Variants in ADAM10 observed in about 807,000 individuals in gnomAD.
ADAM10 encodes disintegrin and metalloproteinase domain-containing protein 10.
In ADAM10, 17 loss-of-function variants were observed where a neutral mutation model predicts 90.1. The ratio of observed to expected loss-of-function variants is 0.19; its 90% CI spans 0.13 to 0.28. The LOEUF is 0.28. ADAM10 is among the 10% of genes least tolerant of loss of function. The pLI, the probability that ADAM10 is intolerant of heterozygous loss-of-function variation, is 1.00. For missense variants in ADAM10, 610 were observed against 914.3 expected (o/e 0.67, Z 4.29); for synonymous variants, 310 against 298.6 (o/e 1.04, Z -0.40).
intron 2 of ADAM10, among the ~76,000 whole-genome samples, chr15:58,716,311 G>A (rs984416855): frequency 7.2e-5 from 11 of 152,060 alleles, no homozygotes; most frequent in Admixed American, 3.3e-4. Context: ...CAGAAAACAC[G>A]GTTATGGAAA....
At chr15:58,659,840 C>A (rs539304134) in intron 5 of ADAM10, among the ~76,000 whole-genome samples, 1 of 152,076 alleles carries the variant, frequency 6.6e-6, no homozygotes, top group Non-Finnish European at 1.5e-5. Context: ...GCCATTCTCC[C>A]GCCTCAGCCT....
rs1896623256 is a variant in ADAM10, at chr15:58,649,057, CT to C, written c.586-2854del. 2.0e-5 allele frequency among the ~76,000 whole-genome samples: 3 copies of C among 151,960 alleles called. No homozygotes were observed. In the South Asian group the frequency reaches 6.2e-4, roughly 32 times the overall value. Reference sequence around the variant, plus strand: ...TAATCGGTGCATTTAATCCATTTACCTTTAATATAATTACAGATATTTTGGG... The same window carrying C: ...TAATCGGTGCATTTAATCCATTTACCTTAATATAATTACAGATATTTTGGG... On this transcript the variant is annotated intron_variant, in intron 5 of 15. Transcript: ENST00000260408.
chr15:58,603,468 T>A (rs1415716309), intron 14 of ADAM10, among the ~76,000 whole-genome samples: 1 of 152,316 alleles, frequency 6.6e-6, no homozygotes, highest in East Asian at 1.9e-4. Context: ...GTACAAAGGC[T>A]TAAGAGTTTT....
At chr15:58,602,232 C>A (rs1338233906) in intron 14 of ADAM10, among the ~76,000 whole-genome samples, 1 of 152,010 alleles carries the variant, frequency 6.6e-6, no homozygotes, top group African/African-American at 2.4e-5. Context: ...ACTTTCTGGC[C>A]CAACAAGAAG....
chr15:58,741,140 T>C (rs1048830910), intron 1 of ADAM10, among the ~76,000 whole-genome samples: 6 of 152,162 alleles, frequency 3.9e-5, no homozygotes, highest in Admixed American at 3.3e-4. Context: ...TGTCCTGCCA[T>C]CATCAATACA....
intron 8 of ADAM10, among the ~76,000 whole-genome samples, chr15:58,635,183 G>A (rs1014802049): frequency 6.8e-6 from 1 of 146,596 alleles, no homozygotes; most frequent in Non-Finnish European, 1.5e-5. Context: ...GCTGAGGCAG[G>A]AGAATGGCGT....
intron 2 of ADAM10, among the ~76,000 whole-genome samples, chr15:58,702,964 G>A (rs537757591): frequency 1.2e-4 from 18 of 152,202 alleles, no homozygotes; most frequent in Non-Finnish European, 1.8e-4. Context: ...TTAACCAAGC[G>A]ACTGGATTAT....
At chr15:58,701,971 C>A (rs1033916528) in intron 2 of ADAM10, among the ~76,000 whole-genome samples, 1 of 151,756 alleles carries the variant, frequency 6.6e-6, no homozygotes, top group East Asian at 1.9e-4. Context: ...CCAGGCGTGG[C>A]GGCGCACACC....
intron 9 of ADAM10, among the ~76,000 whole-genome samples, chr15:58,628,682 C>T (rs1896019479): frequency 2.0e-5 from 3 of 152,168 alleles, no homozygotes; most frequent in Non-Finnish European, 4.4e-5. Flanking sequence ...TAAAACAACC[C>T]TCACAATGCC....
In ADAM10 at chr15:58,682,070, T is replaced by C. The variant is rs1437487124; in HGVS notation, c.325+126A>G. The C allele has an allele frequency of 2.3e-6, 3 of 1,298,910 alleles. No homozygotes were observed. The African/African-American group carries it at 4.5e-5, about 19-fold the overall frequency. 80.5% of individuals were successfully genotyped at this position (1,298,910 alleles called of 1,614,324 possible). A position where few individuals can be genotyped will look rare whatever the true frequency, so the allele number is the denominator to read the frequency against. On this transcript the variant is annotated intron_variant, in intron 3 of 15. Coordinates refer to ENST00000260408, the MANE Select transcript of ADAM10 (RefSeq NM_001110.4). ...TTCATTTCTCAAAGACCATTACCCTTCATATGAATTCAACCTCCTCTGGAT... is the reference window on the plus strand; with the variant it reads ...TTCATTTCTCAAAGACCATTACCCTCCATATGAATTCAACCTCCTCTGGAT...
At chr15:58,691,860 G>C (rs1897818914) in intron 2 of ADAM10, among the ~76,000 whole-genome samples, 1 of 151,618 alleles carries the variant, frequency 6.6e-6, no homozygotes, top group South Asian at 2.1e-4. Flanking sequence ...ATTTTTAGTA[G>C]AGACGGGCTT....
At chr15:58,644,111 G>T (rs868553425) in intron 6 of ADAM10, 133 bp from the exon 7 acceptor site, 5 of 681,964 alleles carry the variant, frequency 7.3e-6, no homozygotes, top group Middle Eastern at 4.0e-4. Context: ...ATTATATACT[G>T]GACATAAATA....
intron 1 of ADAM10, among the ~76,000 whole-genome samples, chr15:58,721,578 GAACA>G (rs1215842912): frequency 6.6e-6 from 1 of 152,092 alleles, no homozygotes; most frequent in Non-Finnish European, 1.5e-5. Flanking sequence ...CACACACATA[GAACA>G]AACTTCAAGA....
chr15:58,736,046 A>T (rs1368550002), intron 1 of ADAM10, among the ~76,000 whole-genome samples: 1 of 152,184 alleles, frequency 6.6e-6, no homozygotes, highest in African/African-American at 2.4e-5. Context: ...GACAGTTTCT[A>T]GGTAATTATA....
chr15:58,682,220 G>A lies in ADAM10; in HGVS notation c.301C>T (p.His101Tyr). 6.2e-7 allele frequency: 1 copy of A among 1,612,734 alleles called. No individual in the cohort carries two copies. The highest frequency in any genetic ancestry group is 8.5e-7 in the Non-Finnish European group (1 of 1,179,354). ...SNKVLDYDTS[H>Y]IYTGHIYGEE... ...CCATAAATATGTCCAGTGTAAATATGAGAGGTATCATAATCAAGTACTTTA... is the reference window on the plus strand; with the variant it reads ...CCATAAATATGTCCAGTGTAAATATAAGAGGTATCATAATCAAGTACTTTA... The change falls in exon 3 of 16, where the codon CAT (histidine) becomes TAT (tyrosine). Residue 101 changes from histidine to tyrosine, a missense_variant. This residue lies in a region of ADAM10 where 310 missense variants were observed against 362.4 expected (regional missense o/e 0.86). Coordinates refer to ENST00000260408, the MANE Select transcript of ADAM10 (RefSeq NM_001110.4).
At chr15:58,610,814 T>C in intron 13 of ADAM10, 185 bp downstream of exon 13, 1 of 644,810 alleles carries the variant, frequency 1.6e-6, no homozygotes, top group South Asian at 1.9e-5. Context: ...TTATCATTTT[T>C]AAAACATTGT....
At chr15:58,604,110 C>T (rs1425735081) in intron 14 of ADAM10, among the ~76,000 whole-genome samples, 3 of 152,076 alleles carry the variant, frequency 2.0e-5, no homozygotes, top group Non-Finnish European at 4.4e-5. Flanking sequence ...GTCTGTAATC[C>T]TAGCACTGTG....
intron 2 of ADAM10, among the ~76,000 whole-genome samples, chr15:58,685,007 A>G (rs1897547892): frequency 6.6e-6 from 1 of 152,228 alleles, no homozygotes. Context: ...TATTTGAAAT[A>G]GTACATGATT....
chr15:58,733,270 G>C (rs535674632), intron 1 of ADAM10: 1 of 152,334 alleles, frequency 6.6e-6, no homozygotes, highest in Admixed American at 6.5e-5. Flanking sequence ...ACAATGTAGA[G>C]ATTACCTACA....
Sources: allele counts gnomAD v4.1 joint callset (sites outside exome capture counted in the v4.1 genomes callset), GRCh38; gene constraint gnomAD v4.1.1; regional missense constraint gnomAD v4.1.1; transcripts MANE v1.5; gene names NCBI Gene and HGNC (gene_info 2026-07-23, HGNC 2026-07-21).